The following NME7 variants were observed in gnomAD, a reference collection of about 807,000 sequenced individuals.
NME7 encodes NME/NM23 family member 7, also known as nucleoside diphosphate kinase 7.
NME7 carries 41 observed loss-of-function variants against 49.1 expected under a neutral mutation model. That is an observed-to-expected ratio of 0.83 (90% CI 0.65 to 1.08). The LOEUF (loss-of-function observed/expected upper bound fraction) is 1.08, where lower values mean the gene tolerates loss of function less well. Ranked by LOEUF, NME7 falls within the 50% of genes least tolerant of loss-of-function variation. The probability of loss-of-function intolerance (pLI) is 0.00; values close to 1 mark genes in which losing one functional copy is unlikely to be tolerated. For synonymous variants in NME7, 139 were observed against 150.6 expected (o/e 0.92, Z 0.56); for missense variants, 423 against 463.4 (o/e 0.91, Z 0.80).
chr1:169,238,225 A>T (rs1156888694), intron 7 of NME7, among the ~76,000 whole-genome samples: 1 of 151,950 alleles, frequency 6.6e-6, no homozygotes, highest in African/African-American at 2.4e-5. Context: ...AGCATATTTA[A>T]AAGACAGTAA....
intron 10 of NME7, among the ~76,000 whole-genome samples, chr1:169,189,811 G>A (rs1467879460): frequency 2.0e-5 from 3 of 152,150 alleles, no homozygotes; most frequent in Non-Finnish European, 2.9e-5. Context: ...AATGTGACAT[G>A]ACTATAACAG....
intron 7 of NME7, among the ~76,000 whole-genome samples, chr1:169,277,536 T>C (rs1649787609): frequency 3.4e-5 from 3 of 88,998 alleles, no homozygotes; most frequent in Middle Eastern, 4.8e-3. Context: ...TTCCATTTGC[T>C]TGGTAGATCT....
intron 10 of NME7, among the ~76,000 whole-genome samples, chr1:169,207,941 C>G (rs1163177048): frequency 6.6e-6 from 1 of 152,002 alleles, no homozygotes; most frequent in Non-Finnish European, 1.5e-5. Context: ...CTTCAAGGTC[C>G]CTGAAAGCAG....
intron 10 of NME7, among the ~76,000 whole-genome samples, chr1:169,186,957 T>C (rs2101756562): frequency 6.6e-6 from 1 of 152,348 alleles, no homozygotes; most frequent in South Asian, 2.1e-4. Flanking sequence ...TGTGTCTTTG[T>C]TCTCATTGGT....
chr1:169,303,157 C>T lies in NME7; in HGVS notation c.428G>A (p.Arg143Lys). 6.4e-7 allele frequency: 1 copy of T among 1,570,580 alleles called. No individual in the cohort carries two copies. The highest frequency in any genetic ancestry group is 2.3e-5 in the East Asian group (1 of 42,578). Residue 143 changes from arginine (R) to lysine (K), a missense_variant, in exon 5 of 12, where the codon AGA becomes AAA. Physicochemically the swap from Arg to Lys is conservative, Grantham distance 26 (BLOSUM62 2). Coordinates refer to ENST00000367811, the MANE Select transcript of NME7 (RefSeq NM_013330.5). ...ALDFHVDHQS[R>K]PFFNELIQFI... ...ATTAAGGACCTACTTGAAAAAGGGT[C>T]TTGACTGGTGATCTACATGAAAATC...
At chr1:169,278,637 C>T (rs1187269962) in intron 7 of NME7, among the ~76,000 whole-genome samples, 1 of 152,038 alleles carries the variant, frequency 6.6e-6, no homozygotes, top group Non-Finnish European at 1.5e-5. Context: ...TTTGAATTTC[C>T]TCCTATAGCT....
intron 10 of NME7, among the ~76,000 whole-genome samples, chr1:169,196,860 T>C (rs1002638669): frequency 3.9e-5 from 6 of 152,252 alleles, no homozygotes; most frequent in African/African-American, 9.6e-5. Context: ...AAACTGGAGA[T>C]TCAAGATCCC....
At chr1:169,194,374 G>A (rs1372434157) in intron 10 of NME7, among the ~76,000 whole-genome samples, 1 of 152,126 alleles carries the variant, frequency 6.6e-6, no homozygotes, top group Non-Finnish European at 1.5e-5. Context: ...CCAAAATGGA[G>A]TCACAGATGG....
intron 1 of NME7, among the ~76,000 whole-genome samples, chr1:169,367,465 T>C (rs1251846255): frequency 6.6e-6 from 1 of 152,218 alleles, no homozygotes; most frequent in Non-Finnish European, 1.5e-5. Flanking sequence ...TTAGACTCGA[T>C]GCCTTACCCT....
At chr1:169,254,014 C>T (rs1460957882) in intron 7 of NME7, among the ~76,000 whole-genome samples, 4 of 151,448 alleles carry the variant, frequency 2.6e-5, no homozygotes, top group African/African-American at 7.3e-5. Context: ...CGATATTGGT[C>T]TAAAATTCTC....
chr1:169,283,539 G>A (rs1490183580), intron 7 of NME7, among the ~76,000 whole-genome samples: 2 of 152,066 alleles, frequency 1.3e-5, no homozygotes, highest in Non-Finnish European at 2.9e-5. Context: ...TCTTCATAGT[G>A]TCGATGTTCT....
At chr1:169,279,679 G>A (rs1649919775) in intron 7 of NME7, among the ~76,000 whole-genome samples, 1 of 152,132 alleles carries the variant, frequency 6.6e-6, no homozygotes, top group African/African-American at 2.4e-5. Context: ...GCTCGCGCAT[G>A]ATGCGCTGCA....
intron 1 of NME7, among the ~76,000 whole-genome samples, chr1:169,324,973 T>C (rs1652006785): frequency 6.6e-6 from 1 of 151,014 alleles, no homozygotes; most frequent in Non-Finnish European, 1.5e-5. Flanking sequence ...TAGCAAACAT[T>C]TTTTTTTCCT....
At chr1:169,287,444 T>C (rs749380687) in intron 6 of NME7, 36 bp from the exon 7 acceptor site, 10 of 1,396,196 alleles carry the variant, frequency 7.2e-6, no homozygotes, top group Non-Finnish European at 9.8e-6. Context: ...ACAAATGTGA[T>C]CTCTTATCTT....
rs538313642 is a variant in NME7 at position 169,334,692 on chromosome 1, C to A, written c.4-10192G>T. ...ACAAAAAGGCCGAATGCGATTGCAA[C>A]AAAAGCAAAAATTGACAATAGGATC... On this transcript the variant is annotated intron_variant, in intron 1 of 11. Transcript: ENST00000367811. 8.5e-5 allele frequency among the ~76,000 whole-genome samples: 13 copies of A among 152,204 alleles called. No homozygotes were observed. In the East Asian group the frequency reaches 2.5e-3, roughly 29 times the overall value.
intron 11 of NME7, among the ~76,000 whole-genome samples, chr1:169,163,895 G>A (rs1304848872): frequency 6.6e-6 from 1 of 152,074 alleles, no homozygotes; most frequent in African/African-American, 2.4e-5. Flanking sequence ...CAGATCACAA[G>A]GTCAGGCGAT....
intron 10 of NME7, among the ~76,000 whole-genome samples, chr1:169,229,765 A>C (rs1032972282): frequency 2.0e-5 from 3 of 152,156 alleles, no homozygotes; most frequent in Admixed American, 2.0e-4. Context: ...GTTCAAGACC[A>C]GCCTGGCCAA....
chr1:169,304,464 T>C (rs981313262), intron 4 of NME7, among the ~76,000 whole-genome samples: 1 of 152,210 alleles, frequency 6.6e-6, no homozygotes, highest in Admixed American at 6.5e-5. Context: ...ATATCACGCA[T>C]ACTCTCATTC....
At chr1:169,209,729 G>A (rs1237438001) in intron 10 of NME7, among the ~76,000 whole-genome samples, 1 of 152,106 alleles carries the variant, frequency 6.6e-6, no homozygotes, top group Non-Finnish European at 1.5e-5. Context: ...ACTAGTTAAT[G>A]TGGCCTTCAT....
Sources: gnomAD v4.1 joint callset for allele counts (sites outside exome capture counted in the v4.1 genomes callset) on GRCh38, gnomAD v4.1.1 for gene constraint, MANE v1.5 for transcripts, NCBI Gene and HGNC (gene_info 2026-07-23, HGNC 2026-07-21) for gene names.